The following AKAP5 variants were observed in gnomAD, a reference collection of about 807,000 sequenced individuals.
AKAP5 encodes A-kinase anchoring protein 5.
In AKAP5, 5 loss-of-function variants were observed where a neutral mutation model predicts 13.8. That is an observed-to-expected ratio of 0.36 (90% CI 0.19 to 0.76). The LOEUF is 0.76. Among genes scored for constraint, AKAP5 ranks in the 30% least tolerant of loss-of-function variants. The pLI is 0.51. For missense variants in AKAP5, 406 were observed against 484.4 expected, an observed-to-expected ratio of 0.84 and a Z score of 1.52; for synonymous variants, 148 against 167.2, an observed-to-expected ratio of 0.89 and a Z score of 0.89.
rs1184319700 is a variant in AKAP5 at position 64,473,570 on chromosome 14, A to C, written c.*3892A>C. 1.2e-5 allele frequency: 2 copies of C among 167,102 alleles called. No individual in the cohort carries two copies. Among genetic ancestry groups the C allele is most frequent in the East Asian group, 3.8e-4 (2 of 5,212 alleles). The allele number at this position is 167,102 out of a possible 1,614,324, so 10.4% of individuals were successfully genotyped here. On this transcript the variant is annotated 3_prime_UTR_variant, in exon 2 of 2. Coordinates refer to ENST00000394718, the MANE Select transcript of AKAP5 (RefSeq NM_004857.3). ...CCATACATTTCTAACTTCATCCATA[A>C]ATTTCTAACTTCAAGTTACCTTATT...
At position 64,468,875 on chromosome 14, in the gene AKAP5, T is replaced by C; in HGVS notation, c.481T>C (p.Leu161=). 1 of 1,614,092 alleles carries C rather than the reference T, an allele frequency of 6.2e-7. No homozygotes were observed. The change falls in exon 2 of 2, where the codon TTG becomes CTG. Residue 161 remains leucine (L), a synonymous_variant. Transcript: ENST00000394718. ...CAAAGTCCAGGAAGAAGCTGAAATT[T>C]TGGATATACAAACACAGACCCCATT... ...SIKVQEEAEI[L]DIQTQTPLND... is the part of the protein sequence containing the mutation.
intron 1 of AKAP5, chr14:64,467,492 G>A (rs577319997): frequency 5.3e-5 from 8 of 152,226 alleles, no homozygotes. Flanking sequence ...TTTAAGAGTG[G>A]GAAATGACAG....
rs1156795186 is a variant in AKAP5, at chr14:64,468,124, C to G, written c.-263-8C>G. The G allele has an allele frequency of 9.0e-6, 2 of 223,194 alleles. No individual in the cohort carries two copies. The highest frequency in any genetic ancestry group is 1.8e-5 in the Non-Finnish European group (2 of 113,932). 13.8% of individuals were successfully genotyped at this position (223,194 alleles called of 1,614,324 possible). On this transcript the variant is annotated splice_region_variant and splice_polypyrimidine_tract_variant and intron_variant, in intron 1 of 1. Coordinates refer to ENST00000394718, the MANE Select transcript of AKAP5 (RefSeq NM_004857.3). ...GAAATAAAATACCACTTTCTTTTCT[C>G]TCATCAGGTTGATCTTTAAATAAAG...
At position 64,468,156 on chromosome 14, in the gene AKAP5, T is replaced by C. The variant is rs2078630457; in HGVS notation, c.-239T>C. On this transcript the variant is annotated 5_prime_UTR_variant, in exon 2 of 2. Transcript: ENST00000394718. ...GGTTGATCTTTAAATAAAGCAAAAATTTATCCAAAGAAGGGCTTTCATCAA... is the reference window on the plus strand; with the variant it reads ...GGTTGATCTTTAAATAAAGCAAAAACTTATCCAAAGAAGGGCTTTCATCAA... The C allele has an allele frequency of 3.5e-6, 1 of 287,958 alleles. No individual in the cohort carries two copies. The highest frequency in any genetic ancestry group is 6.4e-6 in the Non-Finnish European group (1 of 155,078). 17.8% of individuals were successfully genotyped at this position (287,958 alleles called of 1,614,324 possible).
rs755890893 is a variant in AKAP5 at position 64,468,530 on chromosome 14, G to T, written c.136G>T (p.Ala46Ser). Residue 46 changes from alanine (A) to serine (S), a missense_variant, in exon 2 of 2, where the codon GCA becomes TCA. By Grantham distance (99) the Ala-to-Ser change is moderately conservative. Coordinates refer to ENST00000394718, the MANE Select transcript of AKAP5 (RefSeq NM_004857.3). ...CFKRRKKAAKALKPKAGSEAA... is the reference protein window; with the variant it reads ...CFKRRKKAAKSLKPKAGSEAA... The stretch of plus-strand genomic sequence containing the variant: ...CAAGAGAAGAAAGAAAGCAGCCAAA[G>T]CACTGAAGCCCAAAGCTGGCTCTGA... 5 of 1,613,950 alleles carry T rather than the reference G, an allele frequency of 3.1e-6. No individual in the cohort carries two copies. The East Asian group carries it at 1.1e-4, about 36-fold the overall frequency.
rs1217813870 is a variant in AKAP5, at chr14:64,473,548, T to C, written c.*3870T>C. 6.0e-6 allele frequency: 1 copy of C among 167,130 alleles called. No individual in the cohort carries two copies. The highest frequency in any genetic ancestry group is 1.5e-5 in the Non-Finnish European group (1 of 68,132). 10.4% of individuals were successfully genotyped at this position (167,130 alleles called of 1,614,324 possible). A position where few individuals can be genotyped will look rare whatever the true frequency, so the allele number is the denominator to read the frequency against. ...TGCAATCCAGCATTAACTTCATCCA[T>C]ACATTTCTAACTTCATCCATAAATT... On this transcript the variant is annotated 3_prime_UTR_variant, in exon 2 of 2. Transcript: ENST00000394718.
At position 64,471,902 on chromosome 14, in the gene AKAP5, C is replaced by A. The variant is rs1325847448; in HGVS notation, c.*2224C>A. 1 of 166,578 alleles carries A rather than the reference C, an allele frequency of 6.0e-6. No individual in the cohort carries two copies. Among genetic ancestry groups the A allele is most frequent in the East Asian group, 1.9e-4 (1 of 5,200 alleles). The allele number at this position is 166,578 out of a possible 1,614,324, so 10.3% of individuals were successfully genotyped here. On this transcript the variant is annotated 3_prime_UTR_variant, in exon 2 of 2. Transcript: ENST00000394718. ...TTCTTTCTGTAAATACATATTGAGA[C>A]CTCTAACAAAAGAAACTAATCTGAC...
At position 64,472,140 on chromosome 14, in the gene AKAP5, A is replaced by C. The variant is rs2078679481; in HGVS notation, c.*2462A>C. 1 of 167,096 alleles carries C rather than the reference A, an allele frequency of 6.0e-6. No homozygotes were observed. Among genetic ancestry groups the C allele is most frequent in the Non-Finnish European group, 1.5e-5 (1 of 68,114 alleles). 10.4% of individuals were successfully genotyped at this position (167,096 alleles called of 1,614,324 possible). A position where few individuals can be genotyped will look rare whatever the true frequency, so the allele number is the denominator to read the frequency against. Reference sequence around the variant, plus strand: ...TTAAACATTAAAAACAAAAAAGACGAGTCATCTTCTCTGAAAACACTCTTT... The same window carrying C: ...TTAAACATTAAAAACAAAAAAGACGCGTCATCTTCTCTGAAAACACTCTTT... On this transcript the variant is annotated 3_prime_UTR_variant, in exon 2 of 2. Transcript: ENST00000394718.
chr14:64,467,041 T>C lies in AKAP5; in HGVS notation c.-263-1091T>C, dbSNP rs145175797. ...GTTTTCAAATGACAAGAACTCAGTC[T>C]ACTCGTGGTTCAATTATGAGTTGAT... On this transcript the variant is annotated intron_variant, in intron 1 of 1. Coordinates refer to ENST00000394718, the MANE Select transcript of AKAP5 (RefSeq NM_004857.3). 27 of 152,366 alleles carry C rather than the reference T, an allele frequency of 1.8e-4. No homozygotes were observed. In the East Asian group the frequency reaches 2.5e-3, roughly 14 times the overall value. The allele number at this position is 152,366 out of a possible 1,614,324, so 9.4% of individuals were successfully genotyped here. A position where few individuals can be genotyped will look rare whatever the true frequency, so the allele number is the denominator to read the frequency against.
In AKAP5 at chr14:64,473,477, G is replaced by T. The variant is rs1331852405; in HGVS notation, c.*3799G>T. 1 of 167,000 alleles carries T rather than the reference G, an allele frequency of 6.0e-6. No individual in the cohort carries two copies. Among genetic ancestry groups the T allele is most frequent in the African/African-American group, 2.4e-5 (1 of 41,404 alleles). 10.3% of individuals were successfully genotyped at this position (167,000 alleles called of 1,614,324 possible). A position where few individuals can be genotyped will look rare whatever the true frequency, so the allele number is the denominator to read the frequency against. On this transcript the variant is annotated 3_prime_UTR_variant, in exon 2 of 2. Transcript: ENST00000394718. Reference sequence around the variant, plus strand: ...AGTATATGTGAACAGGCTTGCTAAAGGCATTAAAGATATGGATCATGGAGG... The same window carrying T: ...AGTATATGTGAACAGGCTTGCTAAATGCATTAAAGATATGGATCATGGAGG...
Position 64,471,227 on chromosome 14 carries a change from A to C in AKAP5, c.*1549A>C, listed in dbSNP as rs1360264830. 2.7e-5 allele frequency: 4 copies of C among 150,654 alleles called. No individual in the cohort carries two copies. The highest frequency in any genetic ancestry group is 5.9e-5 in the Non-Finnish European group (4 of 67,340). 9.3% of individuals were successfully genotyped at this position (150,654 alleles called of 1,614,324 possible). On this transcript the variant is annotated 3_prime_UTR_variant, in exon 2 of 2. Transcript: ENST00000394718. ...GAGTGCAGTGGCGCGATCTTGGCTC[A>C]CTGCAAGCTCCACCTCCTGGGTTCA...
In AKAP5 at chr14:64,471,882, T is replaced by C. The variant is rs986167010; in HGVS notation, c.*2204T>C. 44 of 166,876 alleles carry C rather than the reference T, an allele frequency of 2.6e-4. No individual in the cohort carries two copies. The highest frequency in any genetic ancestry group is 1.0e-3 in the African/African-American group (42 of 41,472). 10.3% of individuals were successfully genotyped at this position (166,876 alleles called of 1,614,324 possible). The stretch of plus-strand genomic sequence containing the variant: ...TCCTACAGAATCATCTTCATTTCTT[T>C]CTGTAAATACATATTGAGACCTCTA... On this transcript the variant is annotated 3_prime_UTR_variant, in exon 2 of 2. Coordinates refer to ENST00000394718, the MANE Select transcript of AKAP5 (RefSeq NM_004857.3).
Position 64,468,978 on chromosome 14 carries a change from G to C in AKAP5, c.584G>C (p.Cys195Ser). The C allele has an allele frequency of 6.2e-7, 1 of 1,614,208 alleles. No individual in the cohort carries two copies. Among genetic ancestry groups the C allele is most frequent in the Non-Finnish European group, 8.5e-7 (1 of 1,180,042 alleles). The change falls in exon 2 of 2, where the codon TGT becomes TCT. Residue 195 changes from cysteine to serine, a missense_variant. Cys to Ser is a moderately radical substitution (Grantham distance 112). Transcript: ENST00000394718. ...TCACGGAAAGATGGTGATGAGGTCTGTGAATCAAATGTGAGCAATAGCACA... is the reference window on the plus strand; with the variant it reads ...TCACGGAAAGATGGTGATGAGGTCTCTGAATCAAATGTGAGCAATAGCACA... ...GISRKDGDEV[C>S]ESNVSNSTTS... is the part of the protein sequence containing the mutation.
At position 64,472,544 on chromosome 14, in the gene AKAP5, A is replaced by G. The variant is rs898097333; in HGVS notation, c.*2866A>G. The stretch of plus-strand genomic sequence containing the variant: ...TTAGAATGTACTGATTGTTTTTATG[A>G]TAAGATGTATATTTTACTTGCATTC... On this transcript the variant is annotated 3_prime_UTR_variant, in exon 2 of 2. Coordinates refer to ENST00000394718, the MANE Select transcript of AKAP5 (RefSeq NM_004857.3). 2 of 166,900 alleles carry G rather than the reference A, an allele frequency of 1.2e-5. No individual in the cohort carries two copies. The highest frequency in any genetic ancestry group is 1.3e-4 in the Admixed American group (2 of 15,280). The allele number at this position is 166,900 out of a possible 1,614,324, so 10.3% of individuals were successfully genotyped here.
chr14:64,465,806 C>G (rs1447119799), intron 1 of AKAP5, among the ~76,000 whole-genome samples, 193 bp downstream of exon 1: 1 of 152,184 alleles, frequency 6.6e-6, no homozygotes, highest in African/African-American at 2.4e-5. Flanking sequence ...ATCAGGTCTG[C>G]CCACCTATCC....
At position 64,473,779 on chromosome 14, in the gene AKAP5, T is replaced by TA. The variant is rs553437082; in HGVS notation, c.*4110dup. ...TTTTTCTGCCTGCCATTTGTGCATT[T>TA]AAAAAAAAATCCTCATTTAAGATTT... On this transcript the variant is annotated 3_prime_UTR_variant, in exon 2 of 2. Coordinates refer to ENST00000394718, the MANE Select transcript of AKAP5 (RefSeq NM_004857.3). 1.4e-4 allele frequency: 23 copies of TA among 166,312 alleles called. No individual in the cohort carries two copies. Among genetic ancestry groups the TA allele is most frequent in the South Asian group, 6.2e-4 (3 of 4,810 alleles). 10.3% of individuals were successfully genotyped at this position (166,312 alleles called of 1,614,324 possible).
At position 64,473,805 on chromosome 14, in the gene AKAP5, A is replaced by T. The variant is rs1021124528; in HGVS notation, c.*4127A>T. The T allele has an allele frequency of 1.8e-5, 3 of 166,986 alleles. No homozygotes were observed. Among genetic ancestry groups the T allele is most frequent in the African/African-American group, 7.2e-5 (3 of 41,460 alleles). 10.3% of individuals were successfully genotyped at this position (166,986 alleles called of 1,614,324 possible). A position where few individuals can be genotyped will look rare whatever the true frequency, so the allele number is the denominator to read the frequency against. ...AAAAAAAAATCCTCATTTAAGATTT[A>T]GAGTTCTTTAGGTTCAAATTCCTAT... On this transcript the variant is annotated 3_prime_UTR_variant, in exon 2 of 2. Transcript: ENST00000394718.
chr14:64,469,772 T>C lies in AKAP5; in HGVS notation c.*94T>C, dbSNP rs775935908. On this transcript the variant is annotated 3_prime_UTR_variant, in exon 2 of 2. Coordinates refer to ENST00000394718, the MANE Select transcript of AKAP5 (RefSeq NM_004857.3). ...TCTTACTCAGTAACAAATGAGAGAT[T>C]TATCATCTCTAGAACTTAAAAGGTA... 1.5e-5 allele frequency: 14 copies of C among 909,624 alleles called. No individual in the cohort carries two copies. The highest frequency in any genetic ancestry group is 2.2e-5 in the Non-Finnish European group (13 of 603,750). 56.3% of individuals were successfully genotyped at this position (909,624 alleles called of 1,614,324 possible).
rs139800580 is a variant in AKAP5, at chr14:64,472,406, A to T, written c.*2728A>T. 79 of 167,178 alleles carry T rather than the reference A, an allele frequency of 4.7e-4. No homozygotes were observed. The highest frequency in any genetic ancestry group is 1.8e-3 in the African/African-American group (73 of 41,578). 10.4% of individuals were successfully genotyped at this position (167,178 alleles called of 1,614,324 possible). A position where few individuals can be genotyped will look rare whatever the true frequency, so the allele number is the denominator to read the frequency against. On this transcript the variant is annotated 3_prime_UTR_variant, in exon 2 of 2. Coordinates refer to ENST00000394718, the MANE Select transcript of AKAP5 (RefSeq NM_004857.3). ...ATTGGAAATATTTTGGGGGATTTTT[A>T]AAAAAACAGATAAATGGTAAATATG...
Sources: allele counts gnomAD v4.1 joint callset (sites outside exome capture counted in the v4.1 genomes callset), GRCh38; gene constraint gnomAD v4.1.1; transcripts MANE v1.5; gene names NCBI Gene and HGNC (gene_info 2026-07-23, HGNC 2026-07-21).